The following PRCP variants were observed in gnomAD, a reference collection of about 807,000 sequenced individuals.
PRCP encodes prolylcarboxypeptidase, also known as lysosomal Pro-X carboxypeptidase.
A neutral mutation model predicts 54.2 loss-of-function variants in PRCP; 46 were observed. That is an observed-to-expected ratio of 0.85 (90% CI 0.67 to 1.09). The LOEUF (loss-of-function observed/expected upper bound fraction) is 1.09, where lower values mean the gene tolerates loss of function less well. Ranked by LOEUF, PRCP falls within the 50% of genes least tolerant of loss-of-function variation. The pLI is 0.00. For synonymous variants in PRCP, 240 were observed against 212.2 expected, an observed-to-expected ratio of 1.13 and a Z score of -1.14; for missense variants, 613 against 596.8, an observed-to-expected ratio of 1.03 and a Z score of -0.28.
At chr11:82,855,070 C>T (rs757487760) in intron 2 of PRCP, among the ~76,000 whole-genome samples, 3 of 151,668 alleles carry the variant, frequency 2.0e-5, no homozygotes, top group Non-Finnish European at 4.4e-5. Flanking sequence ...ATAAAAAGCC[C>T]AAAAACCCCA....
intron 1 of PRCP, among the ~76,000 whole-genome samples, chr11:82,873,675 A>G (rs1859532387): frequency 6.6e-6 from 1 of 152,264 alleles, no homozygotes; most frequent in African/African-American, 2.4e-5. Flanking sequence ...CAAACATAGT[A>G]TTACAACATA....
intron 2 of PRCP, among the ~76,000 whole-genome samples, chr11:82,855,602 G>C (rs1021601479): frequency 6.6e-6 from 1 of 152,032 alleles, no homozygotes; most frequent in African/African-American, 2.4e-5. Context: ...CTGGGCAACA[G>C]AGCGAGACTC....
chr11:82,850,093 GAAAGAAAAAAGA>G, intron 4 of PRCP, 22 bp from the exon 5 acceptor site: 1 of 1,298,942 alleles, frequency 7.7e-7, no homozygotes. Context: ...GAAAATCAAA[GAAAGAAAAAAGA>G]AAAGAAAAAA....
At chr11:82,831,070 A>T (rs916211822) in intron 8 of PRCP, 4 of 127,036 alleles carry the variant, frequency 3.1e-5, no homozygotes, top group Admixed American at 1.6e-4. Context: ...AAAAAAAAAA[A>T]TCCTGGCTTT....
chr11:82,889,212 T>G (rs631224), intron 1 of PRCP, among the ~76,000 whole-genome samples: 150,983 of 151,908 alleles, frequency 0.99, 75,031 homozygotes, highest in East Asian at 1. Context: ...AAAAAAAATA[T>G]CCAGGCATGG....
intron 1 of PRCP, among the ~76,000 whole-genome samples, chr11:82,882,407 A>C (rs531811220): frequency 6.6e-6 from 1 of 152,092 alleles, no homozygotes; most frequent in East Asian, 1.9e-4. Context: ...TGAGATATCC[A>C]TATTAGGGAC....
intron 8 of PRCP, chr11:82,827,776 T>C (rs1394321633): frequency 6.6e-6 from 1 of 152,178 alleles, no homozygotes; most frequent in Non-Finnish European, 1.5e-5. Flanking sequence ...CAGGATCAGT[T>C]TGTCAATTTC....
At chr11:82,827,019 C>T (rs1858252630) in intron 8 of PRCP, 1 of 152,138 alleles carries the variant, frequency 6.6e-6, no homozygotes, top group African/African-American at 2.4e-5. Flanking sequence ...ATCATTTTCC[C>T]CTTGCATGGC....
At position 82,874,128 on chromosome 11, in the gene PRCP, TAAC is replaced by T. The variant is rs1223780094; in HGVS notation, c.169-14014_169-14012del. Among the ~76,000 whole-genome samples the T allele has an allele frequency of 5.3e-5, 8 of 152,228 alleles. No individual in the cohort carries two copies. The South Asian group carries it at 1.2e-3, about 24-fold the overall frequency. ...GCAGAAACCAAAAAGCTCAGAACAA[TAAC>T]AACAAGTTCAAATGTAACCAAGTGG... On this transcript the variant is annotated intron_variant, in intron 1 of 8. Transcript: ENST00000313010.
intron 1 of PRCP, among the ~76,000 whole-genome samples, chr11:82,887,449 C>G (rs1309341863): frequency 6.6e-6 from 1 of 152,164 alleles, no homozygotes; most frequent in Non-Finnish European, 1.5e-5. Flanking sequence ...GGTATTATAT[C>G]AACTATCATA....
chr11:82,899,641 C>G (rs148005515), intron 1 of PRCP, among the ~76,000 whole-genome samples: 1 of 152,170 alleles, frequency 6.6e-6, no homozygotes, highest in African/African-American at 2.4e-5. Context: ...AGGCTAATCC[C>G]CACCCCCACC....
At chr11:82,830,249 A>G (rs1213912938) in intron 8 of PRCP, 1 of 152,194 alleles carries the variant, frequency 6.6e-6, no homozygotes, top group Non-Finnish European at 1.5e-5. Context: ...AGGTAAATGA[A>G]TCATGAAAAT....
intron 1 of PRCP, among the ~76,000 whole-genome samples, chr11:82,862,941 A>G (rs1859242399): frequency 6.6e-6 from 1 of 152,222 alleles, no homozygotes; most frequent in Non-Finnish European, 1.5e-5. Context: ...ATTCAACTAT[A>G]TCCACTCAGC....
In PRCP at chr11:82,839,504, T is replaced by C. The variant is rs144647323; in HGVS notation, c.922-79A>G. 3,673 of 1,426,518 alleles carry C rather than the reference T, an allele frequency of 2.6e-3. 13 individuals are homozygous for C. Among genetic ancestry groups the C allele is most frequent in the Middle Eastern group, 0.024 (98 of 4,040 alleles). 88.4% of individuals were successfully genotyped at this position (1,426,518 alleles called of 1,614,324 possible). A position where few individuals can be genotyped will look rare whatever the true frequency, so the allele number is the denominator to read the frequency against. On this transcript the variant is annotated intron_variant, in intron 6 of 8. Coordinates refer to ENST00000313010, the MANE Select transcript of PRCP (RefSeq NM_005040.4). Reference sequence around the variant, plus strand: ...ACAGTTTAATAACACAAAGAAGAAATATGATTTTGATCTGATCATAAAATA... The same window carrying C: ...ACAGTTTAATAACACAAAGAAGAAACATGATTTTGATCTGATCATAAAATA...
intron 1 of PRCP, among the ~76,000 whole-genome samples, chr11:82,875,735 G>C (rs1161165794): frequency 6.6e-5 from 10 of 152,128 alleles, no homozygotes; most frequent in Admixed American, 6.6e-4. Flanking sequence ...GTGAGAACAG[G>C]GTGATTGTTA....
Position 82,824,830 on chromosome 11 carries a change from C to T in PRCP, c.*76G>A, listed in dbSNP as rs2121036633. The T allele has an allele frequency of 7.2e-7, 1 of 1,392,336 alleles. No homozygotes were observed. The highest frequency in any genetic ancestry group is 9.9e-7 in the Non-Finnish European group (1 of 1,010,146). The allele number at this position is 1,392,336 out of a possible 1,614,324, so 86.2% of individuals were successfully genotyped here. On this transcript the variant is annotated 3_prime_UTR_variant, in exon 9 of 9. Coordinates refer to ENST00000313010, the MANE Select transcript of PRCP (RefSeq NM_005040.4). The stretch of plus-strand genomic sequence containing the variant: ...AATGATAAACAAAAGAAGGTAATTA[C>T]ATGTAGAAAATCAAAGTGAATGGGA...
Position 82,841,569 on chromosome 11 carries a change from A to G in PRCP, c.922-2144T>C, listed in dbSNP as rs1330183421. On this transcript the variant is annotated intron_variant, in intron 6 of 8. Coordinates refer to ENST00000313010, the MANE Select transcript of PRCP (RefSeq NM_005040.4). Reference sequence around the variant, plus strand: ...TGCATCATTGCCAAAAGTTTTCAGAACTGCTGAATGTGAGAAAAGTCAGAA... The same window carrying G: ...TGCATCATTGCCAAAAGTTTTCAGAGCTGCTGAATGTGAGAAAAGTCAGAA... Among the ~76,000 whole-genome samples the G allele has an allele frequency of 3.3e-5, 5 of 152,214 alleles. No individual in the cohort carries two copies. In the East Asian group the frequency reaches 7.7e-4, roughly 23 times the overall value.
intron 1 of PRCP, among the ~76,000 whole-genome samples, chr11:82,878,810 T>C (rs1276260470): frequency 1.3e-5 from 2 of 152,186 alleles, no homozygotes; most frequent in Non-Finnish European, 2.9e-5. Flanking sequence ...AAGTTTAGTT[T>C]GGCTGGATAT....
intron 2 of PRCP, among the ~76,000 whole-genome samples, chr11:82,854,334 A>G (rs1859028706): frequency 6.6e-6 from 1 of 152,190 alleles, no homozygotes; most frequent in Non-Finnish European, 1.5e-5. Flanking sequence ...ATGTATAAAA[A>G]TCAGTAGCAT....
Sources: gnomAD v4.1 joint callset for allele counts (sites outside exome capture counted in the v4.1 genomes callset) on GRCh38, gnomAD v4.1.1 for gene constraint, MANE v1.5 for transcripts, NCBI Gene and HGNC (gene_info 2026-07-23, HGNC 2026-07-21) for gene names.